STIM2: variants seen among roughly 807,000 people sequenced by gnomAD.
STIM2 encodes the protein stromal interaction molecule 2.
In STIM2, 31 loss-of-function variants were observed where a neutral mutation model predicts 85.8. The observed-to-expected ratio is 0.36, with a 90% CI of 0.27 to 0.49. STIM2 has a LOEUF of 0.49. Among genes scored for constraint, STIM2 ranks in the 20% least tolerant of loss-of-function variants. The pLI is 0.98. For synonymous variants in STIM2, 356 were observed against 331.1 expected (o/e 1.08, Z -0.82); for missense variants, 841 against 927.6 (o/e 0.91, Z 1.21).
At chr4:26,992,901 A>T (rs1429096934) in intron 3 of STIM2, among the ~76,000 whole-genome samples, 1 of 152,118 alleles carries the variant, frequency 6.6e-6, no homozygotes, top group Non-Finnish European at 1.5e-5. Flanking sequence ...CGTTGTCAAG[A>T]CCACTACAAT....
intron 3 of STIM2, among the ~76,000 whole-genome samples, chr4:26,987,648 C>G (rs1727628205): frequency 6.6e-6 from 1 of 152,174 alleles, no homozygotes; most frequent in African/African-American, 2.4e-5. Context: ...AGCCCCTCTT[C>G]CAAGTTGTAG....
intron 10 of STIM2, among the ~76,000 whole-genome samples, chr4:27,012,439 CT>C (rs1444115339): frequency 1.4e-5 from 1 of 73,420 alleles, no homozygotes; most frequent in African/African-American, 4.7e-5. Context: ...GCAGGTCTTG[CT>C]TTTTTTAAAA....
At chr4:26,980,056 G>T (rs528134630) in intron 3 of STIM2, among the ~76,000 whole-genome samples, 70 of 152,248 alleles carry the variant, frequency 4.6e-4, no homozygotes, top group African/African-American at 1.6e-3. Flanking sequence ...GAGCCACTGG[G>T]CCCAGCCCCA....
At chr4:26,880,700 T>A (rs1039984357) in intron 1 of STIM2, among the ~76,000 whole-genome samples, 6 of 147,666 alleles carry the variant, frequency 4.1e-5, no homozygotes, top group Admixed American at 3.4e-4. Flanking sequence ...TATATGTATA[T>A]ATATATCTAA....
Position 27,002,393 on chromosome 4 carries a change from AGGT to A in STIM2, c.803_803+2del. 1 of 1,586,704 alleles carries A rather than the reference AGGT, an allele frequency of 6.3e-7. No individual in the cohort carries two copies. Among genetic ancestry groups the A allele is most frequent in the African/African-American group, 1.4e-5 (1 of 73,272 alleles). ...GCAAAGTCTAATGGACTTACAGGAG[AGGT>A]AAGTTCAGAAAAATCATAACTCATT... On this transcript the variant is annotated splice_donor_variant and coding_sequence_variant, in exon 6 of 12. Transcript: ENST00000467087. LOFTEE classifies it high-confidence loss of function.
At chr4:26,898,597 G>C (rs1723794072) in intron 1 of STIM2, among the ~76,000 whole-genome samples, 1 of 152,136 alleles carries the variant, frequency 6.6e-6, no homozygotes, top group Admixed American at 6.5e-5. Flanking sequence ...TAGCTGGACT[G>C]TCAAGAACTT....
chr4:27,021,113 A>G, intron 11 of STIM2: 1 of 1,439,738 alleles, frequency 6.9e-7, no homozygotes, highest in Non-Finnish European at 9.4e-7. Context: ...CACTCTGTTC[A>G]TTCATTCATT....
intron 1 of STIM2, among the ~76,000 whole-genome samples, chr4:26,909,589 T>C (rs1724256813): frequency 1.3e-5 from 2 of 152,354 alleles, no homozygotes; most frequent in Non-Finnish European, 2.9e-5. Flanking sequence ...ATATTCTCTT[T>C]ATTTCTCTAG....
At chr4:26,891,564 C>T (rs770090072) in intron 1 of STIM2, among the ~76,000 whole-genome samples, 6 of 50,152 alleles carry the variant, frequency 1.2e-4, no homozygotes, top group African/African-American at 1.4e-4. Flanking sequence ...TACATACACA[C>T]ACACACACAC....
intron 1 of STIM2, among the ~76,000 whole-genome samples, chr4:26,887,363 C>A (rs1723296560): frequency 6.6e-6 from 1 of 151,982 alleles, no homozygotes. Context: ...GAATTACAGA[C>A]TTTGATTGAA....
chr4:26,864,484 G>GAAAC (rs1285027348), intron 1 of STIM2, among the ~76,000 whole-genome samples: 1 of 151,792 alleles, frequency 6.6e-6, no homozygotes, highest in African/African-American at 2.4e-5. Flanking sequence ...TTATGAAAGG[G>GAAAC]AAACAAACAA....
At chr4:26,940,251 C>T (rs1725561291) in intron 2 of STIM2, among the ~76,000 whole-genome samples, 1 of 152,140 alleles carries the variant, frequency 6.6e-6, no homozygotes, top group South Asian at 2.1e-4. Flanking sequence ...TTTCCTCCAC[C>T]ATAAGTGTGT....
chr4:26,872,775 G>T (rs2109029834), intron 1 of STIM2, among the ~76,000 whole-genome samples: 1 of 152,288 alleles, frequency 6.6e-6, no homozygotes, highest in South Asian at 2.1e-4. Context: ...AAATGCTATT[G>T]AGGAACAAGA....
intron 3 of STIM2, among the ~76,000 whole-genome samples, chr4:26,980,682 TTAAAC>T (rs1372104702): frequency 6.6e-6 from 1 of 152,196 alleles, no homozygotes; most frequent in Non-Finnish European, 1.5e-5. Flanking sequence ...TTTTAGGAAT[TTAAAC>T]TAATGTAATC....
At chr4:26,970,081 A>G (rs1726876787) in intron 3 of STIM2, among the ~76,000 whole-genome samples, 1 of 150,908 alleles carries the variant, frequency 6.6e-6, no homozygotes, top group African/African-American at 2.4e-5. Context: ...GAAGGCTAAC[A>G]TTGTCTTGCA....
chr4:26,930,177 CTG>C (rs1725152230), intron 2 of STIM2, among the ~76,000 whole-genome samples: 1 of 152,100 alleles, frequency 6.6e-6, no homozygotes, highest in African/African-American at 2.4e-5. Flanking sequence ...GCTGCACGGT[CTG>C]TCAATTTTAG....
At chr4:26,921,796 A>G (rs1724807702) in intron 2 of STIM2, among the ~76,000 whole-genome samples, 2 of 152,184 alleles carry the variant, frequency 1.3e-5, no homozygotes. Context: ...TGTGATAGCT[A>G]AGAGACTTAG....
chr4:26,897,281 A>C (rs1723742745), intron 1 of STIM2, among the ~76,000 whole-genome samples: 1 of 152,202 alleles, frequency 6.6e-6, no homozygotes, highest in Admixed American at 6.5e-5. Context: ...CTGCATCCTC[A>C]CCAGCATTTG....
chr4:26,939,483 A>G (rs1725518768), intron 2 of STIM2, among the ~76,000 whole-genome samples: 1 of 152,218 alleles, frequency 6.6e-6, no homozygotes, highest in South Asian at 2.1e-4. Context: ...AATCGGATAA[A>G]GATAACTTTT....
Sources: allele counts gnomAD v4.1 joint callset (sites outside exome capture counted in the v4.1 genomes callset), GRCh38; gene constraint gnomAD v4.1.1; transcripts MANE v1.5; gene names NCBI Gene and HGNC (gene_info 2026-07-23, HGNC 2026-07-21).